Variants in SLC4A4 observed in about 807,000 individuals in gnomAD.
SLC4A4 encodes the protein solute carrier family 4 member 4.
Under a neutral mutation model 111.5 loss-of-function variants are expected in SLC4A4, and 27 were observed. That is an observed-to-expected ratio of 0.24 (90% confidence interval 0.18 to 0.33). The LOEUF is 0.33. SLC4A4 is among the 10% of genes least tolerant of loss of function. The pLI is 1.00. For missense variants in SLC4A4, 909 were observed against 1,315.5 expected (o/e 0.69, Z 4.78); for synonymous variants, 443 against 463.4 (o/e 0.96, Z 0.57).
intron 16 of SLC4A4, among the ~76,000 whole-genome samples, chr4:71,506,267 G>A (rs1731408395): frequency 6.6e-6 from 1 of 152,096 alleles, no homozygotes; most frequent in Non-Finnish European, 1.5e-5. Flanking sequence ...TCTTCAAATT[G>A]TTTTGGGCAG....
rs185035969 is a variant in SLC4A4, at chr4:71,305,106, G to A, written c.254-34264G>A. Among the ~76,000 whole-genome samples the A allele has an allele frequency of 3.8e-3, 582 of 152,270 alleles. 5 individuals are homozygous for A. The highest frequency in any genetic ancestry group is 8.9e-3 in the South Asian group (43 of 4,822). ...CTTATTTAACCCTTATCATTTCTGT[G>A]AGTTCTCAATTACTTGCCTCAAAGA... On this transcript the variant is annotated intron_variant, in intron 3 of 25. Coordinates refer to ENST00000264485, the MANE Select transcript of SLC4A4 (RefSeq NM_001098484.3).
chr4:71,162,025 A>G (rs1201463617), intron 2 of SLC4A4, among the ~76,000 whole-genome samples: 2 of 152,184 alleles, frequency 1.3e-5, no homozygotes, highest in Non-Finnish European at 2.9e-5. Context: ...AATGAAGACT[A>G]TTCTAGTGCT....
chr4:71,240,578 A>G (rs1385320802), intron 2 of SLC4A4, among the ~76,000 whole-genome samples: 3 of 152,170 alleles, frequency 2.0e-5, no homozygotes, highest in Non-Finnish European at 4.4e-5. Context: ...GAATAATTCT[A>G]CAAATTCACA....
At chr4:71,466,624 G>A (rs917231689) in intron 13 of SLC4A4, 47 bp downstream of exon 13, 1 of 1,568,864 alleles carries the variant, frequency 6.4e-7, no homozygotes, top group African/African-American at 1.4e-5. Flanking sequence ...CTTAATTGTA[G>A]AACCTTTATA....
chr4:71,407,212 TA>T (rs893586349), intron 7 of SLC4A4, among the ~76,000 whole-genome samples: 2 of 152,156 alleles, frequency 1.3e-5, no homozygotes, highest in Admixed American at 6.6e-5. Flanking sequence ...CTGAATAGGC[TA>T]ATTACCAGAA....
intron 9 of SLC4A4, 146 bp from the exon 10 acceptor site, chr4:71,450,243 C>A (rs925766785): frequency 7.5e-6 from 5 of 669,538 alleles, no homozygotes; most frequent in Non-Finnish European, 1.3e-5. Flanking sequence ...TTTCGGGGGG[C>A]AGGCTGAATA....
At chr4:71,298,688 A>G (rs1724991857) in intron 3 of SLC4A4, among the ~76,000 whole-genome samples, 1 of 152,018 alleles carries the variant, frequency 6.6e-6, no homozygotes, top group African/African-American at 2.4e-5. Context: ...ATGTTTTATC[A>G]GTTGGATGCT....
At chr4:71,481,526 ATACT>A (rs1553919718) in intron 14 of SLC4A4, among the ~76,000 whole-genome samples, 1 of 151,772 alleles carries the variant, frequency 6.6e-6, no homozygotes, top group Non-Finnish European at 1.5e-5. Context: ...AACTGCAGCC[ATACT>A]TGATCCACTT....
intron 2 of SLC4A4, among the ~76,000 whole-genome samples, chr4:71,109,759 T>A (rs954462264): frequency 1.3e-5 from 2 of 152,084 alleles, no homozygotes; most frequent in African/African-American, 4.8e-5. Flanking sequence ...GCCAGGCTGG[T>A]CTCGAAACCC....
chr4:71,392,723 A>G (rs780753610), intron 6 of SLC4A4, among the ~76,000 whole-genome samples: 2 of 152,108 alleles, frequency 1.3e-5, no homozygotes, highest in Non-Finnish European at 2.9e-5. Context: ...AAAGACAACT[A>G]CAGACTGAAA....
In SLC4A4 at chr4:71,234,688, G is replaced by A. The variant is rs1330043140; in HGVS notation, c.-1-1888G>A. Among the ~76,000 whole-genome samples the A allele has an allele frequency of 2.0e-5, 3 of 152,136 alleles. No individual in the cohort carries two copies. In the East Asian group the frequency reaches 5.8e-4, roughly 29 times the overall value. On this transcript the variant is annotated intron_variant, in intron 1 of 25. Transcript: ENST00000264485. ...GATCTGCCTGCCTTGGCCTGCCGAG[G>A]GATTACAGGTGCCGGGATTACAGGT...
intron 1 of SLC4A4, among the ~76,000 whole-genome samples, chr4:71,200,062 G>A (rs189042732): frequency 6.6e-6 from 1 of 152,216 alleles, no homozygotes; most frequent in Non-Finnish European, 1.5e-5. Context: ...GTTCTGTAGA[G>A]AAAGTGAGGA....
rs12696756 is a variant in SLC4A4 at position 71,534,525 on chromosome 4, G to T, written c.2442+137G>T. 0.65 allele frequency: 487,348 copies of T among 749,226 alleles called. 176,104 individuals are homozygous for T. The highest frequency in any genetic ancestry group is 0.77 in the Non-Finnish European group (335,295 of 435,930). 46.4% of individuals were successfully genotyped at this position (749,226 alleles called of 1,614,324 possible). On this transcript the variant is annotated intron_variant, in intron 18 of 25. Transcript: ENST00000264485. ...TTCCTTAAGAGTCCGCAGAACCAGAGATCACTTTGTATTGGTACATGTCTT... is the reference window on the plus strand; with the variant it reads ...TTCCTTAAGAGTCCGCAGAACCAGATATCACTTTGTATTGGTACATGTCTT...
At chr4:71,110,613 A>C (rs1048803255) in intron 2 of SLC4A4, among the ~76,000 whole-genome samples, 1 of 152,198 alleles carries the variant, frequency 6.6e-6, no homozygotes, top group Admixed American at 6.5e-5. Context: ...TTCTTGCCTA[A>C]GTTCGTAGGG....
chr4:71,355,824 A>G (rs1730235806), intron 5 of SLC4A4, among the ~76,000 whole-genome samples: 1 of 152,250 alleles, frequency 6.6e-6, no homozygotes, highest in Non-Finnish European at 1.5e-5. Flanking sequence ...TTATCCTACC[A>G]GTACCCATCA....
chr4:71,306,468 A>G (rs1372433833), intron 3 of SLC4A4, among the ~76,000 whole-genome samples: 1 of 152,122 alleles, frequency 6.6e-6, no homozygotes, highest in East Asian at 1.9e-4. Context: ...CTGTAGTCCC[A>G]GCTACTCAGG....
intron 3 of SLC4A4, among the ~76,000 whole-genome samples, chr4:71,290,357 G>A (rs1446020745): frequency 2.0e-5 from 3 of 152,126 alleles, no homozygotes; most frequent in Non-Finnish European, 4.4e-5. Flanking sequence ...AGTATAGTCA[G>A]CAAATGAGAC....
At chr4:71,311,633 C>T (rs1726173558) in intron 3 of SLC4A4, among the ~76,000 whole-genome samples, 1 of 152,034 alleles carries the variant, frequency 6.6e-6, no homozygotes, top group African/African-American at 2.4e-5. Context: ...TCTTTGAAAC[C>T]TATGAGAACA....
chr4:71,323,550 T>C (rs1457136644), intron 3 of SLC4A4, among the ~76,000 whole-genome samples: 1 of 152,066 alleles, frequency 6.6e-6, no homozygotes, highest in Non-Finnish European at 1.5e-5. Context: ...ACCTTGTAAT[T>C]TTAACAAGGC....
Sources: gnomAD v4.1 joint callset for allele counts (sites outside exome capture counted in the v4.1 genomes callset) on GRCh38, gnomAD v4.1.1 for gene constraint, MANE v1.5 for transcripts, NCBI Gene and HGNC (gene_info 2026-07-23, HGNC 2026-07-21) for gene names.